BTRC: variants seen among roughly 807,000 people sequenced by gnomAD.
BTRC encodes F-box/WD repeat-containing protein 1A.
Under a neutral mutation model 85.5 loss-of-function variants are expected in BTRC, and 42 were observed. That is an observed-to-expected ratio of 0.49 (90% CI 0.38 to 0.64). BTRC has a LOEUF of 0.64. Ranked by LOEUF, BTRC falls within the 30% of genes least tolerant of loss-of-function variation. The pLI, the probability that BTRC is intolerant of heterozygous loss-of-function variation, is 0.00. For synonymous variants in BTRC, 255 were observed against 263.3 expected (o/e 0.97, Z 0.30); for missense variants, 594 against 743.5 (o/e 0.80, Z 2.34).
At chr10:101,500,181 C>G (rs181811395) in intron 4 of BTRC, among the ~76,000 whole-genome samples, 2 of 151,630 alleles carry the variant, frequency 1.3e-5, no homozygotes, top group Non-Finnish European at 2.9e-5. Context: ...AGTGTACTTC[C>G]GCAAATCTAA....
In BTRC at chr10:101,365,395, GAC is replaced by G. The variant is rs1169690954; in HGVS notation, c.48+11169_48+11170del. Among the ~76,000 whole-genome samples, 10 of 147,692 alleles carry G rather than the reference GAC, an allele frequency of 6.8e-5. No homozygotes were observed. In the East Asian group the frequency reaches 2.1e-3, roughly 30 times the overall value. On this transcript the variant is annotated intron_variant, in intron 1 of 14. Transcript: ENST00000370187. Reference sequence around the variant, plus strand: ...GCCCTTTTTTTTTTTAATTTTTTGAGACAGTCTCACTCACTCTGTCACCCAGG... The same window carrying G: ...GCCCTTTTTTTTTTTAATTTTTTGAGAGTCTCACTCACTCTGTCACCCAGG...
rs148614328 is a variant in BTRC at position 101,418,714 on chromosome 10, T to A, written c.49-11631T>A. Among the ~76,000 whole-genome samples, 278 of 152,074 alleles carry A rather than the reference T, an allele frequency of 1.8e-3. 1 individual carries two copies. The highest frequency in any genetic ancestry group is 6.8e-3 in the Middle Eastern group (2 of 294). ...AACAAAAATTATTATTATTATTATT[T>A]TTTTATTCTGGGGTACATGTGCAGG... On this transcript the variant is annotated intron_variant, in intron 1 of 14. Coordinates refer to ENST00000370187, the MANE Select transcript of BTRC (RefSeq NM_033637.4).
intron 1 of BTRC, among the ~76,000 whole-genome samples, chr10:101,366,136 G>A (rs529049570): frequency 6.6e-6 from 1 of 152,220 alleles, no homozygotes; most frequent in East Asian, 1.9e-4. Flanking sequence ...ATTTAGGACT[G>A]TATGATCCTA....
intron 2 of BTRC, among the ~76,000 whole-genome samples, chr10:101,442,296 A>ATGTGTGTGTGTGTG (rs139018865): frequency 0.072 from 10,200 of 142,036 alleles, 653 homozygotes; most frequent in African/African-American, 0.17. Context: ...CTCTGTGTGT[A>ATGTGTGTGTGTGTG]TGTGTGTGTG....
chr10:101,522,506 T>C (rs1564823950), intron 5 of BTRC, among the ~76,000 whole-genome samples: 1 of 127,332 alleles, frequency 7.9e-6, no homozygotes, highest in African/African-American at 2.9e-5. Context: ...TTGCAACCTC[T>C]GCCTCCCAGA....
chr10:101,471,289 G>A (rs1342608300), intron 3 of BTRC, among the ~76,000 whole-genome samples: 3 of 152,154 alleles, frequency 2.0e-5, no homozygotes, highest in Non-Finnish European at 2.9e-5. Context: ...TTGGGAGGCC[G>A]AAGTGGGAGG....
At chr10:101,489,701 A>G (rs1163799684) in intron 4 of BTRC, among the ~76,000 whole-genome samples, 1 of 152,174 alleles carries the variant, frequency 6.6e-6, no homozygotes, top group East Asian at 1.9e-4. Flanking sequence ...CCAAGTTTCT[A>G]TGAAAATAAA....
At chr10:101,485,766 C>T (rs116738217) in intron 4 of BTRC, among the ~76,000 whole-genome samples, 78 of 152,194 alleles carry the variant, frequency 5.1e-4, no homozygotes, top group African/African-American at 1.9e-3. Flanking sequence ...CTAATAGGCT[C>T]GAGCTTGTCT....
intron 2 of BTRC, among the ~76,000 whole-genome samples, chr10:101,448,596 G>A (rs1465410064): frequency 6.6e-6 from 1 of 152,058 alleles, no homozygotes; most frequent in Non-Finnish European, 1.5e-5. Context: ...AGACCCATGA[G>A]AATGCAGTTA....
chr10:101,361,539 A>T (rs1942207189), intron 1 of BTRC, among the ~76,000 whole-genome samples: 1 of 152,254 alleles, frequency 6.6e-6, no homozygotes, highest in African/African-American at 2.4e-5. Context: ...TTCCGTAATA[A>T]GTCAATCTCA....
intron 14 of BTRC, chr10:101,551,252 A>G (rs935292709): frequency 6.0e-6 from 1 of 166,982 alleles, no homozygotes; most frequent in African/African-American, 2.4e-5. Context: ...ATCAAACAAT[A>G]CCTACAATAG....
chr10:101,464,478 C>T (rs1461847321), intron 3 of BTRC, among the ~76,000 whole-genome samples: 1 of 151,892 alleles, frequency 6.6e-6, no homozygotes, highest in African/African-American at 2.4e-5. Context: ...TTTTTCATTG[C>T]CGTTTTAGCA....
chr10:101,358,723 G>A (rs903615376), intron 1 of BTRC, among the ~76,000 whole-genome samples: 4 of 152,184 alleles, frequency 2.6e-5, no homozygotes, highest in African/African-American at 7.2e-5. Flanking sequence ...TCCTTAAAGT[G>A]TGGTGGCAAG....
intron 2 of BTRC, among the ~76,000 whole-genome samples, chr10:101,439,341 A>G (rs1402843119): frequency 6.6e-6 from 1 of 152,218 alleles, no homozygotes; most frequent in Non-Finnish European, 1.5e-5. Context: ...TGTGGAAAAA[A>G]AATAAACAAG....
intron 4 of BTRC, among the ~76,000 whole-genome samples, chr10:101,510,560 C>T (rs61874021): frequency 0.014 from 2,096 of 151,996 alleles, 27 homozygotes; most frequent in Middle Eastern, 0.044. Flanking sequence ...TAATTAAAAC[C>T]TGACAACAGC....
chr10:101,504,631 C>T (rs1020490391), intron 4 of BTRC, among the ~76,000 whole-genome samples: 1 of 151,848 alleles, frequency 6.6e-6, no homozygotes, highest in Non-Finnish European at 1.5e-5. Context: ...AGCCCTAGCC[C>T]TTCCTCTCCT....
chr10:101,460,924 A>T lies in BTRC; in HGVS notation c.157-1057A>T, dbSNP rs145694691. Among the ~76,000 whole-genome samples the T allele has an allele frequency of 9.8e-4, 149 of 152,226 alleles. 3 individuals carry two copies. The East Asian group carries it at 0.026, about 27-fold the overall frequency. ...AGTTTTTTGTTGTTGTTGTTTTGAG[A>T]CGGAACCTTGCTCTGTCACTCAGGC... On this transcript the variant is annotated intron_variant, in intron 2 of 14. Transcript: ENST00000370187.
chr10:101,532,750 A>ATGTGTGTGTGTGTGTGTGTGTG (rs71643587), intron 8 of BTRC, among the ~76,000 whole-genome samples: 1 of 102,186 alleles, frequency 9.8e-6, no homozygotes, highest in Admixed American at 1.0e-4. Context: ...CTGAAGCTAT[A>ATGTGTGTGTGTGTGTGTGTGTG]TGTGTGTGTG....
chr10:101,396,494 C>A (rs1589419713), intron 1 of BTRC, among the ~76,000 whole-genome samples: 1 of 147,896 alleles, frequency 6.8e-6, no homozygotes. Flanking sequence ...AAATGGAGTT[C>A]AGCTAGTATT....
Sources: gnomAD v4.1 joint callset for allele counts (sites outside exome capture counted in the v4.1 genomes callset) on GRCh38, gnomAD v4.1.1 for gene constraint, MANE v1.5 for transcripts, NCBI Gene and HGNC (gene_info 2026-07-23, HGNC 2026-07-21) for gene names.